The following SLC7A7 variants were observed in gnomAD, a reference collection of about 807,000 sequenced individuals.
SLC7A7 encodes the protein Y+L amino acid transporter 1.
Under a neutral mutation model 47.9 loss-of-function variants are expected in SLC7A7, and 39 were observed. The ratio of observed to expected loss-of-function variants is 0.81; its 90% CI spans 0.63 to 1.06. SLC7A7 has a LOEUF of 1.06. Ranked by LOEUF, SLC7A7 falls within the 50% of genes least tolerant of loss-of-function variation. The pLI is 0.00. For missense variants in SLC7A7, 588 were observed against 632.0 expected, an observed-to-expected ratio of 0.93 and a Z score of 0.75; for synonymous variants, 234 against 242.8, an observed-to-expected ratio of 0.96 and a Z score of 0.34.
At chr14:22,799,448 CTTTTTTTTTT>C (rs56375225) in intron 2 of SLC7A7, among the ~76,000 whole-genome samples, 3 of 76,172 alleles carry the variant, frequency 3.9e-5, no homozygotes, top group Non-Finnish European at 6.9e-5. Flanking sequence ...TTTTTTCTTT[CTTTTTTTTTT>C]TTTTTTTTTT....
chr14:22,786,961 C>A (rs759710492), intron 2 of SLC7A7, among the ~76,000 whole-genome samples: 17 of 152,132 alleles, frequency 1.1e-4, no homozygotes, highest in Non-Finnish European at 2.1e-4. Flanking sequence ...GATTTTTTCC[C>A]CCCAGATACA....
Position 22,775,474 on chromosome 14 carries a change from C to T in SLC7A7, c.1065G>A (p.Arg355=). The T allele has an allele frequency of 6.2e-7, 1 of 1,614,140 alleles. No individual in the cohort carries two copies. The highest frequency in any genetic ancestry group is 8.5e-7 in the Non-Finnish European group (1 of 1,180,008). Residue 355 remains arginine (R), a synonymous_variant, in exon 7 of 10, where the codon CGG becomes CGA. Coordinates refer to ENST00000674313, the MANE Select transcript of SLC7A7 (RefSeq NM_003982.4). ...AGAGCAGAGAAGGCACTGGTGTGAACCGCTCAACATGGATCATGCAGATGG... is the reference window on the plus strand; with the variant it reads ...AGAGCAGAGAAGGCACTGGTGTGAATCGCTCAACATGGATCATGCAGATGG... The part of the protein sequence containing the change: ...PDAICMIHVE[R]FTPVPSLLFN...
intron 2 of SLC7A7, among the ~76,000 whole-genome samples, chr14:22,782,067 G>C (rs2038728527): frequency 6.6e-6 from 1 of 152,054 alleles, no homozygotes; most frequent in African/African-American, 2.4e-5. Flanking sequence ...ATTCTGAAAT[G>C]GAAATACATG....
At chr14:22,774,747 T>C (rs1352031240) in intron 7 of SLC7A7, among the ~76,000 whole-genome samples, 1 of 152,118 alleles carries the variant, frequency 6.6e-6, no homozygotes, top group Non-Finnish European at 1.5e-5. Context: ...CTCGAAACAA[T>C]CCCTCAAAAG....
rs1594942768 is a variant in SLC7A7, at chr14:22,774,096, A to C, written c.1266T>G (p.Ile422Met). ...RPLKLSVFFPIVFCLCTIFLV... is the reference protein window; with the variant it reads ...RPLKLSVFFPMVFCLCTIFLV... ...GGAAGATGGTGCAGAGGCAGAAGAC[A>C]ATCGGGAAGAAAACGCTGAGCTAAG... is the stretch of plus-strand genomic sequence containing the variant. Residue 422 changes from isoleucine (I) to methionine (M), a missense_variant, in exon 9 of 10, where the codon ATT (isoleucine) becomes ATG (methionine). Transcript: ENST00000674313. The C allele has an allele frequency of 6.2e-7, 1 of 1,614,220 alleles. No homozygotes were observed.
intron 2 of SLC7A7, among the ~76,000 whole-genome samples, chr14:22,806,056 G>T (rs1344365247): frequency 7.1e-6 from 1 of 141,414 alleles, no homozygotes; most frequent in African/African-American, 2.7e-5. Flanking sequence ...CAGGAGAATC[G>T]CTTGAAGCTG....
chr14:22,802,945 C>T (rs1051725576), intron 2 of SLC7A7, among the ~76,000 whole-genome samples: 1 of 152,134 alleles, frequency 6.6e-6, no homozygotes, highest in Non-Finnish European at 1.5e-5. Flanking sequence ...TTGGCTTTCC[C>T]TGTGCCTAAA....
At chr14:22,780,739 C>T (rs2038703929) in intron 2 of SLC7A7, among the ~76,000 whole-genome samples, 1 of 152,174 alleles carries the variant, frequency 6.6e-6, no homozygotes, top group Non-Finnish European at 1.5e-5. Context: ...TTAAAAGTAC[C>T]TTTTATCAGG....
chr14:22,813,520 A>G, intron 1 of SLC7A7, 80 bp from the exon 2 acceptor site: 1 of 1,275,612 alleles, frequency 7.8e-7, no homozygotes, highest in Non-Finnish European at 1.1e-6. Flanking sequence ...ACACAGGGTA[A>G]TACGGGCAGC....
chr14:22,819,093 CCCTCACCCTAA>C (rs1365566033), upstream of SLC7A7, among the ~76,000 whole-genome samples: 2 of 152,098 alleles, frequency 1.3e-5, no homozygotes, highest in African/African-American at 4.8e-5. Context: ...CCAATGGAGC[CCCTCACCCTAA>C]CCTCACCCTC....
chr14:22,814,123 C>G (rs1245334300), intron 1 of SLC7A7, among the ~76,000 whole-genome samples: 1 of 151,522 alleles, frequency 6.6e-6, no homozygotes, highest in African/African-American at 2.4e-5. Context: ...GGCACTCATT[C>G]GCCAGAGAGA....
chr14:22,815,042 T>G, intron 1 of SLC7A7: 1 of 313,412 alleles, frequency 3.2e-6, no homozygotes, highest in Non-Finnish European at 6.3e-6. Context: ...AACCTAGGGA[T>G]GATTGGAGGC....
At chr14:22,799,448 C>CTTTTTTTTTTTTTTTTTTTTTTTTTTTTT (rs56375225) in intron 2 of SLC7A7, among the ~76,000 whole-genome samples, 1 of 76,170 alleles carries the variant, frequency 1.3e-5, no homozygotes, top group Non-Finnish European at 2.3e-5. Flanking sequence ...TTTTTTCTTT[C>CTTTTTTTTTTTTTTTTTTTTTTTTTTTTT]TTTTTTTTTT....
intron 2 of SLC7A7, among the ~76,000 whole-genome samples, chr14:22,793,760 G>A (rs2038966071): frequency 1.3e-5 from 2 of 151,828 alleles, no homozygotes; most frequent in South Asian, 4.2e-4. Context: ...AGGTGGCAGT[G>A]AGCCAATATC....
chr14:22,789,249 G>T (rs2038879772), intron 2 of SLC7A7, among the ~76,000 whole-genome samples: 1 of 152,042 alleles, frequency 6.6e-6, no homozygotes, highest in African/African-American at 2.4e-5. Context: ...TAGACTAATG[G>T]CCCCCCAAAG....
At position 22,794,851 on chromosome 14, in the gene SLC7A7, C is replaced by T. The variant is rs141280873; in HGVS notation, c.500-14800G>A. On this transcript the variant is annotated intron_variant, in intron 2 of 9. Coordinates refer to ENST00000674313, the MANE Select transcript of SLC7A7 (RefSeq NM_003982.4). ...AAATTCTGGGGTGGAACCCAGGCAT[C>T]GGCATGTTTTTAAAACTCCCCAGGT... Among the ~76,000 whole-genome samples the T allele has an allele frequency of 2.4e-3, 361 of 152,184 alleles. 2 individuals are homozygous for T. Among genetic ancestry groups the T allele is most frequent in the African/African-American group, 8.3e-3 (345 of 41,522 alleles).
intron 9 of SLC7A7, 51 bp downstream of exon 9, chr14:22,773,882 C>T (rs1198841200): frequency 1.2e-6 from 2 of 1,610,766 alleles, no homozygotes; most frequent in East Asian, 2.2e-5. Context: ...CAGAAAAAGG[C>T]AAAAACCAAG....
At chr14:22,805,236 G>A (rs2039181825) in intron 2 of SLC7A7, among the ~76,000 whole-genome samples, 1 of 152,022 alleles carries the variant, frequency 6.6e-6, no homozygotes, top group Non-Finnish European at 1.5e-5. Context: ...TGTGGTGGTG[G>A]GCTCCTGTAA....
chr14:22,815,895 G>T (rs532707439), upstream of SLC7A7: 1 of 352,076 alleles, frequency 2.8e-6, no homozygotes, highest in African/African-American at 2.1e-5. Context: ...CCCATGCTGA[G>T]ATTACAGGAA....
Sources: gnomAD v4.1 joint callset for allele counts (sites outside exome capture counted in the v4.1 genomes callset) on GRCh38, gnomAD v4.1.1 for gene constraint, MANE v1.5 for transcripts, NCBI Gene and HGNC (gene_info 2026-07-23, HGNC 2026-07-21) for gene names.